ADAMTS17: variants seen among roughly 807,000 people sequenced by gnomAD.
ADAMTS17 encodes A disintegrin and metalloproteinase with thrombospondin motifs 17.
A neutral mutation model predicts 141.5 loss-of-function variants in ADAMTS17; 113 were observed. The observed-to-expected ratio is 0.80, with a 90% CI of 0.69 to 0.93. The LOEUF (loss-of-function observed/expected upper bound fraction) is 0.93. Ranked by LOEUF, ADAMTS17 falls within the 40% of genes least tolerant of loss-of-function variation. The pLI is 0.00. For synonymous variants in ADAMTS17, 768 were observed against 630.6 expected, an observed-to-expected ratio of 1.22 and a Z score of -3.27; for missense variants, 1,659 against 1,517.9, an observed-to-expected ratio of 1.09 and a Z score of -1.54.
At position 100,135,371 on chromosome 15, in the gene ADAMTS17, C is replaced by T. The variant is rs571603172; in HGVS notation, c.1474-2056G>A. On this transcript the variant is annotated intron_variant, in intron 10 of 21. Coordinates refer to ENST00000268070, the MANE Select transcript of ADAMTS17 (RefSeq NM_139057.4). ...TGATCTCGGCTCACTGCAAGCTCCG[C>T]CTCCCAGGTTCACGCCATTCTCCTG... Among the ~76,000 whole-genome samples the T allele has an allele frequency of 2.3e-3, 354 of 151,882 alleles. 1 individual carries two copies. Among genetic ancestry groups the T allele is most frequent in the African/African-American group, 8.1e-3 (336 of 41,440 alleles).
At chr15:100,276,265 C>G (rs1256773599) in intron 4 of ADAMTS17, among the ~76,000 whole-genome samples, 2 of 4,960 alleles carry the variant, frequency 4.0e-4, no homozygotes, top group Non-Finnish European at 3.4e-4. Context: ...GTGTGGGTAC[C>G]TGGTGGGAGG....
intron 8 of ADAMTS17, 26 bp from the exon 9 acceptor site, chr15:100,155,346 T>C: frequency 6.2e-7 from 1 of 1,608,222 alleles, no homozygotes; most frequent in Non-Finnish European, 8.5e-7. Context: ...GAGAGAGGGA[T>C]GCTTATGCTA....
At chr15:100,275,143 A>G (rs866550198) in intron 4 of ADAMTS17, among the ~76,000 whole-genome samples, 1 of 152,232 alleles carries the variant, frequency 6.6e-6, no homozygotes, top group Non-Finnish European at 1.5e-5. Context: ...AGAGTCCTAA[A>G]AGGCAGAGGA....
chr15:100,217,845 T>C (rs1031054710), intron 7 of ADAMTS17, among the ~76,000 whole-genome samples: 1 of 152,178 alleles, frequency 6.6e-6, no homozygotes, highest in African/African-American at 2.4e-5. Flanking sequence ...CTGTACACCA[T>C]ATATTTCAAA....
chr15:100,209,159 AAAAC>A (rs2041702491), intron 7 of ADAMTS17, among the ~76,000 whole-genome samples: 1 of 150,206 alleles, frequency 6.7e-6, no homozygotes, highest in Non-Finnish European at 1.5e-5. Flanking sequence ...AAGGATTCTC[AAAAC>A]AAGTAACCGC....
chr15:100,165,021 G>A (rs1212908388), intron 8 of ADAMTS17, among the ~76,000 whole-genome samples: 1 of 152,192 alleles, frequency 6.6e-6, no homozygotes, highest in African/African-American at 2.4e-5. Flanking sequence ...AGTAGATCTA[G>A]GTTTGAATGC....
intron 12 of ADAMTS17, among the ~76,000 whole-genome samples, chr15:100,120,383 C>A (rs2037392548): frequency 6.6e-6 from 1 of 152,202 alleles, no homozygotes; most frequent in African/African-American, 2.4e-5. Flanking sequence ...TTTCTGGAGT[C>A]AGGGTGAGCA....
At chr15:100,077,219 G>A (rs1397379513) in intron 15 of ADAMTS17, among the ~76,000 whole-genome samples, 1 of 141,556 alleles carries the variant, frequency 7.1e-6, no homozygotes, top group African/African-American at 2.6e-5. Flanking sequence ...TGAGACAGGT[G>A]GAACACTTGA....
At chr15:100,220,940 T>C (rs779261064) in intron 7 of ADAMTS17, among the ~76,000 whole-genome samples, 12 of 152,216 alleles carry the variant, frequency 7.9e-5, no homozygotes, top group African/African-American at 1.2e-4. Context: ...AGTTTCTACA[T>C]TGGGACTATG....
At chr15:100,020,116 C>T (rs2061375264) in intron 18 of ADAMTS17, among the ~76,000 whole-genome samples, 1 of 152,200 alleles carries the variant, frequency 6.6e-6, no homozygotes, top group Admixed American at 6.5e-5. Flanking sequence ...GCAGAAAACA[C>T]CCAGGGGACG....
chr15:100,279,984 T>C (rs1305372393), intron 4 of ADAMTS17, among the ~76,000 whole-genome samples: 1 of 152,140 alleles, frequency 6.6e-6, no homozygotes, highest in Non-Finnish European at 1.5e-5. Flanking sequence ...CCCAGGTCGT[T>C]GCCCCATCCC....
intron 18 of ADAMTS17, among the ~76,000 whole-genome samples, chr15:100,017,600 G>C (rs1443325032): frequency 6.6e-6 from 1 of 152,208 alleles, no homozygotes; most frequent in African/African-American, 2.4e-5. Context: ...CTCCAGGTAA[G>C]GATGGAAACT....
Position 100,169,356 on chromosome 15 carries a change from T to C in ADAMTS17, c.1182-14036A>G, listed in dbSNP as rs544181481. Among the ~76,000 whole-genome samples, 4 of 152,146 alleles carry C rather than the reference T, an allele frequency of 2.6e-5. No individual in the cohort carries two copies. In the East Asian group the frequency reaches 7.7e-4, roughly 29 times the overall value. On this transcript the variant is annotated intron_variant, in intron 8 of 21. Transcript: ENST00000268070. ...AATGGGATGCTGAGAGTGGGAACAATATTGACAGAGCAGAGAAAGGAAAAT... is the reference window on the plus strand; with the variant it reads ...AATGGGATGCTGAGAGTGGGAACAACATTGACAGAGCAGAGAAAGGAAAAT...
intron 18 of ADAMTS17, among the ~76,000 whole-genome samples, chr15:100,033,754 A>G (rs1220657307): frequency 1.3e-5 from 2 of 152,348 alleles, no homozygotes; most frequent in Middle Eastern, 3.4e-3. Context: ...CTTCTCTCCC[A>G]GACCAACTTT....
In ADAMTS17 at chr15:99,972,172, A is replaced by C. The variant is rs574655652; in HGVS notation, c.*2230T>G. 1.3e-5 allele frequency: 2 copies of C among 152,262 alleles called. No homozygotes were observed. The highest frequency in any genetic ancestry group is 1.3e-4 in the Admixed American group (2 of 15,282). The allele number at this position is 152,262 out of a possible 1,614,324, so 9.4% of individuals were successfully genotyped here. On this transcript the variant is annotated 3_prime_UTR_variant, in exon 22 of 22. Transcript: ENST00000268070. ...AGGGTGAGGCAGAAGAATGGCCTGA[A>C]CCCGGGAGGCGGAGCTTTCAATGAG...
chr15:100,333,208 G>C (rs1043030102), intron 2 of ADAMTS17, among the ~76,000 whole-genome samples: 2 of 151,906 alleles, frequency 1.3e-5, no homozygotes, highest in African/African-American at 4.8e-5. Flanking sequence ...ACCTTTTCAC[G>C]ACCTAACGGT....
chr15:99,980,237 C>T (rs1045246545), intron 20 of ADAMTS17: 1 of 152,276 alleles, frequency 6.6e-6, no homozygotes, highest in African/African-American at 2.4e-5. Flanking sequence ...AGGAGAATCA[C>T]TTCAACCCAG....
chr15:100,325,757 T>G (rs1262300549), intron 3 of ADAMTS17, among the ~76,000 whole-genome samples: 1 of 152,218 alleles, frequency 6.6e-6, no homozygotes, highest in Non-Finnish European at 1.5e-5. Flanking sequence ...GACACTATGC[T>G]TTATGTAGAC....
At chr15:100,058,263 G>GGCTCTTA (rs1567101913) in intron 15 of ADAMTS17, among the ~76,000 whole-genome samples, 3 of 30,808 alleles carry the variant, frequency 9.7e-5, no homozygotes, top group African/African-American at 2.7e-4. Flanking sequence ...TCCCGGCTCT[G>GGCTCTTA]ACACCCCTAT....
Sources: allele counts gnomAD v4.1 joint callset (sites outside exome capture counted in the v4.1 genomes callset), GRCh38; gene constraint gnomAD v4.1.1; transcripts MANE v1.5; gene names NCBI Gene and HGNC (gene_info 2026-07-23, HGNC 2026-07-21).